AGBL4: variants seen among roughly 807,000 people sequenced by gnomAD.
The protein encoded by AGBL4 is cytosolic carboxypeptidase 6.
AGBL4 carries 58 observed loss-of-function variants against 66.4 expected under a neutral mutation model. The observed-to-expected ratio is 0.87, with a 90% CI of 0.71 to 1.09. The LOEUF (loss-of-function observed/expected upper bound fraction) is 1.09. Ranked by LOEUF, AGBL4 falls within the 50% of genes least tolerant of loss-of-function variation. The pLI is 0.00. For missense variants in AGBL4, 579 were observed against 631.0 expected (o/e 0.92, Z 0.88); for synonymous variants, 234 against 222.9 (o/e 1.05, Z -0.44).
chr1:49,882,346 G>T (rs1202286065), intron 1 of AGBL4, among the ~76,000 whole-genome samples: 1 of 150,822 alleles, frequency 6.6e-6, no homozygotes, highest in Non-Finnish European at 1.5e-5. Flanking sequence ...TGTTCTTTTG[G>T]CTTAGGATTG....
chr1:48,893,410 G>A (rs907713065), intron 5 of AGBL4, among the ~76,000 whole-genome samples: 2 of 152,026 alleles, frequency 1.3e-5, no homozygotes, highest in African/African-American at 4.8e-5. Flanking sequence ...GGCCGGGCGT[G>A]GTGGCTCATG....
Position 48,534,210 on chromosome 1 carries a change from C to T in AGBL4, c.1475G>A (p.Ser492Asn), listed in dbSNP as rs1218276688. 1 of 1,551,672 alleles carries T rather than the reference C, an allele frequency of 6.4e-7. No homozygotes were observed. The highest frequency in any genetic ancestry group is 1.2e-5 in the South Asian group (1 of 84,058). ...TGAAGGGTCTTTGTGGTTCACTGAG[C>T]TCTTCTTGTCCCCTTTGCTGTTGGG... The part of the protein sequence containing the change: ...NYPNSKGDKK[S>N]SVNHKDPSTP... Residue 492 changes from serine (S) to asparagine (N), a missense_variant, in exon 14 of 14, where the codon AGC becomes AAC. Transcript: ENST00000371839.
At chr1:49,618,604 C>G (rs1645296275) in intron 3 of AGBL4, among the ~76,000 whole-genome samples, 1 of 152,122 alleles carries the variant, frequency 6.6e-6, no homozygotes, top group East Asian at 1.9e-4. Flanking sequence ...GGATTCCTCC[C>G]TAATTCATTT....
intron 3 of AGBL4, among the ~76,000 whole-genome samples, chr1:49,629,876 T>C (rs1645537323): frequency 6.6e-6 from 1 of 152,154 alleles, no homozygotes; most frequent in South Asian, 2.1e-4. Context: ...GAAAAGATAG[T>C]GACTTTTGGG....
At chr1:49,182,391 C>T (rs1646944954) in intron 4 of AGBL4, among the ~76,000 whole-genome samples, 2 of 152,220 alleles carry the variant, frequency 1.3e-5, no homozygotes, top group African/African-American at 4.8e-5. Flanking sequence ...TGCTGACCTA[C>T]CTTGAATCAA....
At chr1:49,282,058 T>A (rs149761343) in intron 3 of AGBL4, among the ~76,000 whole-genome samples, 2 of 152,292 alleles carry the variant, frequency 1.3e-5, no homozygotes, top group East Asian at 3.9e-4. Context: ...ACCCCTGGCA[T>A]CTGACTATCT....
At chr1:49,566,120 C>T (rs1261340044) in intron 3 of AGBL4, among the ~76,000 whole-genome samples, 2 of 152,172 alleles carry the variant, frequency 1.3e-5, no homozygotes, top group South Asian at 2.1e-4. Flanking sequence ...GCATTCATCA[C>T]GTAGTTCTTG....
intron 6 of AGBL4, among the ~76,000 whole-genome samples, chr1:48,774,060 G>A (rs1264551465): frequency 2.6e-5 from 4 of 152,228 alleles, no homozygotes; most frequent in Non-Finnish European, 5.9e-5. Context: ...GCTGGCTTGG[G>A]CCAACACTCA....
chr1:49,168,900 C>A (rs1646681736), intron 4 of AGBL4, among the ~76,000 whole-genome samples: 1 of 152,148 alleles, frequency 6.6e-6, no homozygotes, highest in Non-Finnish European at 1.5e-5. Context: ...TCAGCAGCCG[C>A]TGGGGACCAG....
intron 5 of AGBL4, among the ~76,000 whole-genome samples, chr1:48,983,016 C>T (rs986154930): frequency 2.0e-5 from 3 of 152,102 alleles, no homozygotes; most frequent in Non-Finnish European, 4.4e-5. Context: ...AATGCATTTG[C>T]TTACCTGTGT....
intron 11 of AGBL4, among the ~76,000 whole-genome samples, chr1:48,546,421 T>C (rs1418165315): frequency 6.6e-6 from 1 of 152,160 alleles, no homozygotes; most frequent in Non-Finnish European, 1.5e-5. Context: ...GAGGTGCACA[T>C]ATAACAAAGA....
rs570282299 is a variant in AGBL4, at chr1:48,707,659, T to A, written c.635-44418A>T. The stretch of plus-strand genomic sequence containing the variant: ...CTTTGTGGTGAAGTCTATCATTACA[T>A]AAGCCCAAGCTCCATGGGCTGGGAA... On this transcript the variant is annotated intron_variant, in intron 6 of 13. Coordinates refer to ENST00000371839, the MANE Select transcript of AGBL4 (RefSeq NM_032785.4). 4.6e-5 allele frequency among the ~76,000 whole-genome samples: 7 copies of A among 152,328 alleles called. No homozygotes were observed. In the East Asian group the frequency reaches 1.2e-3, roughly 25 times the overall value.
chr1:49,932,573 C>T (rs961510498), intron 1 of AGBL4, among the ~76,000 whole-genome samples: 4 of 151,968 alleles, frequency 2.6e-5, no homozygotes, highest in Non-Finnish European at 2.9e-5. Flanking sequence ...AGACACTAAC[C>T]GGATGAAAAG....
chr1:49,655,534 T>C (rs1201919947), intron 3 of AGBL4, among the ~76,000 whole-genome samples: 1 of 152,144 alleles, frequency 6.6e-6, no homozygotes, highest in Non-Finnish European at 1.5e-5. Context: ...TACCAGAATC[T>C]CTGGGACACA....
At chr1:49,725,471 C>T (rs543895063) in intron 2 of AGBL4, among the ~76,000 whole-genome samples, 5 of 152,200 alleles carry the variant, frequency 3.3e-5, no homozygotes, top group South Asian at 2.1e-4. Flanking sequence ...GTTGTGGTTT[C>T]GCTGATCTAT....
intron 3 of AGBL4, among the ~76,000 whole-genome samples, chr1:49,477,196 G>C (rs1646863736): frequency 6.6e-6 from 1 of 152,058 alleles, no homozygotes; most frequent in African/African-American, 2.4e-5. Flanking sequence ...GCTGCTAATT[G>C]TAGTTGCAGG....
In AGBL4 at chr1:48,736,192, A is replaced by C; in HGVS notation, c.635-72951T>G. 1 of 1,556,368 alleles carries C rather than the reference A, an allele frequency of 6.4e-7. No homozygotes were observed. Among genetic ancestry groups the C allele is most frequent in the Non-Finnish European group, 8.9e-7 (1 of 1,127,926 alleles). On this transcript the variant is annotated intron_variant, in intron 6 of 13. Coordinates refer to ENST00000371839, the MANE Select transcript of AGBL4 (RefSeq NM_032785.4). The surrounding 1 kb of genome is among the most constrained non-coding windows in gnomAD (Gnocchi z 4.0). ...ATTGTGCCTAACACATTCTTGACAG[A>C]GTAAAAGACAGAATCCCAGCCATTG...
chr1:48,626,937 T>C (rs754554384), intron 9 of AGBL4, among the ~76,000 whole-genome samples: 2 of 152,108 alleles, frequency 1.3e-5, no homozygotes, highest in Non-Finnish European at 2.9e-5. Flanking sequence ...TATCCTGCCA[T>C]AGGGGGTAAA....
chr1:48,742,030 T>C (rs942467071), intron 6 of AGBL4, among the ~76,000 whole-genome samples: 3 of 152,240 alleles, frequency 2.0e-5, no homozygotes, highest in Non-Finnish European at 4.4e-5. Flanking sequence ...TGATTTGTTT[T>C]CAAGGTCATA....
Sources: allele counts gnomAD v4.1 joint callset (sites outside exome capture counted in the v4.1 genomes callset), GRCh38; gene constraint gnomAD v4.1.1; non-coding constraint Gnocchi (gnomAD v3.1); transcripts MANE v1.5; gene names NCBI Gene and HGNC (gene_info 2026-07-23, HGNC 2026-07-21).